Variants in TOGARAM1 observed in about 807,000 individuals in gnomAD.
TOGARAM1 encodes the protein TOG array regulator of axonemal microtubules 1.
TOGARAM1 carries 100 observed loss-of-function variants against 166.6 expected under a neutral mutation model. The observed-to-expected ratio is 0.60, with a 90% CI of 0.51 to 0.71. The LOEUF is 0.71. Ranked by LOEUF, TOGARAM1 falls within the 30% of genes least tolerant of loss-of-function variation. The pLI is 0.00. For synonymous variants in TOGARAM1, 758 were observed against 763.8 expected (o/e 0.99, Z 0.13); for missense variants, 2,029 against 2,102.7 (o/e 0.96, Z 0.69).
At chr14:45,045,609 GTGTGTGTGTATA>G (rs1389386554) in intron 13 of TOGARAM1, among the ~76,000 whole-genome samples, 12 of 88,052 alleles carry the variant, frequency 1.4e-4, no homozygotes, top group African/African-American at 4.0e-4. Flanking sequence ...GTGTGTGTGT[GTGTGTGTGTATA>G]TATATGTATA....
rs1885385656 is a variant in TOGARAM1 at position 44,964,184 on chromosome 14, A to G, written c.1763A>G (p.Glu588Gly). The G allele has an allele frequency of 1.2e-6, 2 of 1,614,220 alleles. No individual in the cohort carries two copies. The highest frequency in any genetic ancestry group is 2.2e-5 in the South Asian group (2 of 91,086). ...AGGCTCACAGAGCAGGGATTTGTGG[A>G]ATATGCAGTACTGATGCCATCTTCT... The part of the protein sequence containing the change: ...LPRLTEQGFV[E>G]YAVLMPSSAG... The change falls in exon 1 of 20, where the codon GAA (glutamate) becomes GGA (glycine). Residue 588 changes from glutamate (E) to glycine (G), a missense_variant. Physicochemically the swap from Glu to Gly is moderately conservative, Grantham distance 98. Around this residue, in one of 2 missense-constraint regions of TOGARAM1, gnomAD observed 1,453 missense variants for 1,432.2 expected, o/e 1.01. Transcript: ENST00000361462.
At chr14:45,058,492 A>G (rs1594700915) in intron 16 of TOGARAM1, among the ~76,000 whole-genome samples, 1 of 152,002 alleles carries the variant, frequency 6.6e-6, no homozygotes, top group African/African-American at 2.4e-5. Flanking sequence ...ACGGGGTTTC[A>G]CTATGTTGGC....
chr14:45,066,858 T>G (rs1883165744), intron 17 of TOGARAM1, 91 bp downstream of exon 17: 16 of 1,079,074 alleles, frequency 1.5e-5, no homozygotes, highest in Middle Eastern at 3.4e-4. Context: ...GAAGGATCTC[T>G]TGAGGCTAGG....
chr14:45,059,089 T>A (rs1002200657), intron 16 of TOGARAM1, among the ~76,000 whole-genome samples: 1 of 152,170 alleles, frequency 6.6e-6, no homozygotes, highest in African/African-American at 2.4e-5. Flanking sequence ...ATATATTTTA[T>A]TTTTATTTTA....
At chr14:45,036,130 TAAAAAAAAAAAAAAAAAA>T (rs770145117) in intron 11 of TOGARAM1, among the ~76,000 whole-genome samples, 1 of 29,158 alleles carries the variant, frequency 3.4e-5, no homozygotes, top group African/African-American at 8.3e-5. Context: ...ACCTTGTCTC[TAAAAAAAAAAAAAAAAAA>T]AAAAAAAAAG....
intron 1 of TOGARAM1, among the ~76,000 whole-genome samples, chr14:44,965,076 G>T (rs577505490): frequency 6.6e-6 from 1 of 151,224 alleles, no homozygotes; most frequent in Non-Finnish European, 1.5e-5. Context: ...AGAGTACAAT[G>T]AATACCCATA....
At chr14:44,971,709 C>T (rs570519919) in intron 1 of TOGARAM1, among the ~76,000 whole-genome samples, 6 of 152,292 alleles carry the variant, frequency 3.9e-5, no homozygotes, top group African/African-American at 1.2e-4. Context: ...CTAGGCACCG[C>T]TTTCACTGCA....
In TOGARAM1 at chr14:45,052,582, T is replaced by C. The variant is rs752256224; in HGVS notation, c.4440+20T>C. 8.2e-6 allele frequency: 13 copies of C among 1,576,060 alleles called. No individual in the cohort carries two copies. Among genetic ancestry groups the C allele is most frequent in the Non-Finnish European group, 1.1e-5 (13 of 1,157,494 alleles). On this transcript the variant is annotated intron_variant, in intron 15 of 19. Transcript: ENST00000361462. The stretch of plus-strand genomic sequence containing the variant: ...CAAAAGGTATGTGGGAAAAGTTTGT[T>C]TTATAAACAGCTTTATAAGCAAAGC...
chr14:44,999,945 T>G (rs1887616688), intron 3 of TOGARAM1, among the ~76,000 whole-genome samples: 1 of 152,234 alleles, frequency 6.6e-6, no homozygotes, highest in South Asian at 2.1e-4. Flanking sequence ...GTCACCTTAT[T>G]GTGCTATACT....
At chr14:45,065,618 G>T (rs1291159501) in intron 16 of TOGARAM1, among the ~76,000 whole-genome samples, 1 of 152,112 alleles carries the variant, frequency 6.6e-6, no homozygotes, top group African/African-American at 2.4e-5. Flanking sequence ...AATTCCTGCT[G>T]GTCTCTAGTT....
Position 45,017,570 on chromosome 14 carries a change from A to C in TOGARAM1, c.3238+5495A>C, listed in dbSNP as rs189659001. 2.5e-3 allele frequency among the ~76,000 whole-genome samples: 378 copies of C among 152,332 alleles called. 4 individuals carry two copies. The highest frequency in any genetic ancestry group is 8.6e-3 in the African/African-American group (358 of 41,586). ...TATAATTTTCCTGTGGTAGAACCTG[A>C]GAAAGCTTTGCTGTTATCATTAACC... On this transcript the variant is annotated intron_variant, in intron 7 of 19. Coordinates refer to ENST00000361462, the MANE Select transcript of TOGARAM1 (RefSeq NM_001308120.2).
intron 1 of TOGARAM1, among the ~76,000 whole-genome samples, chr14:44,969,134 C>CTTCCTTCCTTCT (rs1885730605): frequency 1.5e-5 from 2 of 136,986 alleles, no homozygotes; most frequent in African/African-American, 5.9e-5. Flanking sequence ...TCCTTCCTTC[C>CTTCCTTCCTTCT]TTCCTTCCTT....
rs1224915340 is a variant in TOGARAM1 at position 45,006,094 on chromosome 14, A to C, written c.2731A>C (p.Lys911Gln). Reference sequence around the variant, plus strand: ...TTCCCGACGAGGTCTAAATGGGACAAAGCCTGTTCCTCCCATACCAAGGGG... The same window carrying C: ...TTCCCGACGAGGTCTAAATGGGACACAGCCTGTTCCTCCCATACCAAGGGG... ...PSSRRGLNGT[K>Q]PVPPIPRGIS... The change falls in exon 5 of 20, where the codon AAG becomes CAG. Residue 911 changes from lysine to glutamine, a missense_variant. Physicochemically the swap from Lys to Gln is moderately conservative, Grantham distance 53. Transcript: ENST00000361462. 1.9e-6 allele frequency: 3 copies of C among 1,613,928 alleles called. No individual in the cohort carries two copies. Among genetic ancestry groups the C allele is most frequent in the East Asian group, 2.2e-5 (1 of 44,882 alleles).
At position 45,044,753 on chromosome 14, in the gene TOGARAM1, A is replaced by G; in HGVS notation, c.4037A>G (p.His1346Arg). The change falls in exon 13 of 20, where the codon CAC (histidine) becomes CGC (arginine). Residue 1346 changes from histidine (H) to arginine (R), a missense_variant. His to Arg is a conservative substitution (Grantham distance 29). This residue lies in a region of TOGARAM1 where 576 missense variants were observed against 670.5 expected (regional missense o/e 0.86). Transcript: ENST00000361462. Reference protein sequence around the residue: ...ELDTTVKVLLHKAGESNTFIR... With the variant: ...ELDTTVKVLLRKAGESNTFIR... ...GATACCACAGTAAAAGTTTTGTTGC[A>G]CAAGGCTGGTGAATCAAATACATTT... The G allele has an allele frequency of 6.2e-7, 1 of 1,614,098 alleles. No individual in the cohort carries two copies. The highest frequency in any genetic ancestry group is 8.5e-7 in the Non-Finnish European group (1 of 1,179,996).
chr14:45,065,497 G>A (rs1029974346), intron 16 of TOGARAM1, among the ~76,000 whole-genome samples: 3 of 152,178 alleles, frequency 2.0e-5, no homozygotes, highest in Non-Finnish European at 2.9e-5. Context: ...AGCTGTCCTG[G>A]GCTGCATGCG....
chr14:45,073,618 C>G lies in TOGARAM1; in HGVS notation c.*57C>G. On this transcript the variant is annotated 3_prime_UTR_variant, in exon 20 of 20. Transcript: ENST00000361462. ...AGTGTTTACATGATGACAAATGGAACTTTCTAAAAGTTATGTTATCAGTGC... is the reference window on the plus strand; with the variant it reads ...AGTGTTTACATGATGACAAATGGAAGTTTCTAAAAGTTATGTTATCAGTGC... The G allele has an allele frequency of 2.6e-6, 4 of 1,518,040 alleles. No individual in the cohort carries two copies. Among genetic ancestry groups the G allele is most frequent in the Non-Finnish European group, 3.5e-6 (4 of 1,128,026 alleles). 94.0% of individuals were successfully genotyped at this position (1,518,040 alleles called of 1,614,324 possible).
chr14:44,975,037 A>G (rs906245783), intron 1 of TOGARAM1, among the ~76,000 whole-genome samples: 1 of 152,140 alleles, frequency 6.6e-6, no homozygotes, highest in Non-Finnish European at 1.5e-5. Flanking sequence ...TTTCTTTAGC[A>G]TTTTAACAAA....
chr14:45,026,852 CAAA>C (rs1417220095), intron 8 of TOGARAM1, among the ~76,000 whole-genome samples: 1 of 137,646 alleles, frequency 7.3e-6, no homozygotes, highest in Admixed American at 7.0e-5. Context: ...AAAAAAAATA[CAAA>C]AAATTGGGCA....
intron 6 of TOGARAM1, among the ~76,000 whole-genome samples, chr14:45,010,207 A>T (rs1260422180): frequency 6.6e-6 from 1 of 152,222 alleles, no homozygotes; most frequent in African/African-American, 2.4e-5. Flanking sequence ...CCAGCAGTTC[A>T]TAGAATTAAA....
Sources: allele counts gnomAD v4.1 joint callset (sites outside exome capture counted in the v4.1 genomes callset), GRCh38; gene constraint gnomAD v4.1.1; regional missense constraint gnomAD v4.1.1; transcripts MANE v1.5; gene names NCBI Gene and HGNC (gene_info 2026-07-23, HGNC 2026-07-21).